The following CHST11 variants were observed in gnomAD, a reference collection of about 807,000 sequenced individuals.
The protein encoded by CHST11 is C4S-1.
In CHST11, 9 loss-of-function variants were observed where a neutral mutation model predicts 30.4. The ratio of observed to expected loss-of-function variants is 0.30; its 90% CI spans 0.18 to 0.52. The LOEUF is 0.52. Among genes scored for constraint, CHST11 ranks in the 20% least tolerant of loss-of-function variants. The pLI is 0.97. For synonymous variants in CHST11, 152 were observed against 187.8 expected, an observed-to-expected ratio of 0.81 and a Z score of 1.56; for missense variants, 348 against 460.6, an observed-to-expected ratio of 0.76 and a Z score of 2.24.
chr12:104,681,022 T>A (rs1382964705), intron 2 of CHST11, among the ~76,000 whole-genome samples: 1 of 152,228 alleles, frequency 6.6e-6, no homozygotes, highest in African/African-American at 2.4e-5. Flanking sequence ...GAGGATGAAT[T>A]GAGATAATAA....
At chr12:104,670,505 A>C (rs199672146) in intron 2 of CHST11, among the ~76,000 whole-genome samples, 5 of 147,902 alleles carry the variant, frequency 3.4e-5, no homozygotes, top group African/African-American at 1.0e-4. Context: ...ATACACACTC[A>C]CACAAACACA....
intron 2 of CHST11, among the ~76,000 whole-genome samples, chr12:104,626,166 T>C (rs1369618577): frequency 6.6e-6 from 1 of 152,242 alleles, no homozygotes; most frequent in Non-Finnish European, 1.5e-5. Flanking sequence ...GGGTTCCTTT[T>C]ACAATGTGAA....
chr12:104,726,618 C>G (rs1255680320), intron 2 of CHST11, among the ~76,000 whole-genome samples: 2 of 152,092 alleles, frequency 1.3e-5, no homozygotes, highest in African/African-American at 2.4e-5. Flanking sequence ...GCTCAACAAC[C>G]CTGCTTCAGG....
At chr12:104,541,502 G>A (rs542893463) in intron 1 of CHST11, among the ~76,000 whole-genome samples, 2 of 152,226 alleles carry the variant, frequency 1.3e-5, no homozygotes, top group Non-Finnish European at 2.9e-5. Context: ...CCTTGCCTGA[G>A]TATTTAGGAA....
chr12:104,758,039 G>A lies in CHST11; in HGVS notation c.*236G>A, dbSNP rs1012137322. ...TGAATACTGCAACACTGTCTCAAAG[G>A]TTTCTTGTGTTCTGGTGAATTCCAT... On this transcript the variant is annotated 3_prime_UTR_variant, in exon 3 of 3. Transcript: ENST00000303694. 2 of 439,222 alleles carry A rather than the reference G, an allele frequency of 4.6e-6. No individual in the cohort carries two copies. Among genetic ancestry groups the A allele is most frequent in the Non-Finnish European group, 8.0e-6 (2 of 248,472 alleles). 27.2% of individuals were successfully genotyped at this position (439,222 alleles called of 1,614,324 possible).
At chr12:104,563,676 A>G (rs2089953708) in intron 1 of CHST11, among the ~76,000 whole-genome samples, 1 of 152,130 alleles carries the variant, frequency 6.6e-6, no homozygotes, top group Admixed American at 6.5e-5. Context: ...AATTGGCAGG[A>G]AATAAACCCA....
intron 1 of CHST11, among the ~76,000 whole-genome samples, chr12:104,586,345 G>A (rs780983987): frequency 6.6e-6 from 1 of 152,216 alleles, no homozygotes; most frequent in Non-Finnish European, 1.5e-5. Flanking sequence ...TTGTGTGGCC[G>A]GGAGGGACTG....
intron 2 of CHST11, among the ~76,000 whole-genome samples, chr12:104,707,796 G>A (rs1455304672): frequency 1.3e-5 from 2 of 152,084 alleles, no homozygotes; most frequent in African/African-American, 4.8e-5. Flanking sequence ...CACTGACAAC[G>A]AGGACACATA....
intron 2 of CHST11, among the ~76,000 whole-genome samples, chr12:104,616,371 C>G (rs1369396763): frequency 2.0e-5 from 3 of 152,116 alleles, no homozygotes; most frequent in African/African-American, 7.2e-5. Flanking sequence ...TTTTCCTACT[C>G]AAAGACAGAT....
intron 1 of CHST11, among the ~76,000 whole-genome samples, chr12:104,490,804 A>C (rs2037737500): frequency 6.6e-6 from 1 of 152,214 alleles, no homozygotes; most frequent in African/African-American, 2.4e-5. Context: ...AGATCTAAAG[A>C]GACAATATTT....
In CHST11 at chr12:104,759,543, A is replaced by T. The variant is rs967464127; in HGVS notation, c.*1740A>T. ...TGCCGTATATAGTGAAGGGGTGAGGATATTCTAAACAAACAAAAATTGAAT... is the reference window on the plus strand; with the variant it reads ...TGCCGTATATAGTGAAGGGGTGAGGTTATTCTAAACAAACAAAAATTGAAT... On this transcript the variant is annotated 3_prime_UTR_variant, in exon 3 of 3. Coordinates refer to ENST00000303694, the MANE Select transcript of CHST11 (RefSeq NM_018413.6). The T allele has an allele frequency of 1.3e-5, 2 of 152,122 alleles. No individual in the cohort carries two copies. Among genetic ancestry groups the T allele is most frequent in the South Asian group, 2.1e-4 (1 of 4,830 alleles). The allele number at this position is 152,122 out of a possible 1,614,324, so 9.4% of individuals were successfully genotyped here. A position where few individuals can be genotyped will look rare whatever the true frequency, so the allele number is the denominator to read the frequency against.
At chr12:104,598,721 C>T (rs1038966546) in intron 1 of CHST11, among the ~76,000 whole-genome samples, 5 of 152,208 alleles carry the variant, frequency 3.3e-5, no homozygotes, top group African/African-American at 7.2e-5. Flanking sequence ...TTTATCTTTT[C>T]TTGACTCTCC....
At chr12:104,692,334 T>A (rs1008018676) in intron 2 of CHST11, among the ~76,000 whole-genome samples, 5 of 152,178 alleles carry the variant, frequency 3.3e-5, no homozygotes, top group Admixed American at 6.5e-5. Flanking sequence ...CCTACCACCT[T>A]CAAGACATTG....
At chr12:104,695,598 T>G (rs2039936984) in intron 2 of CHST11, among the ~76,000 whole-genome samples, 1 of 152,164 alleles carries the variant, frequency 6.6e-6, no homozygotes, top group South Asian at 2.1e-4. Flanking sequence ...TTCCAGACAT[T>G]TCTATCTTAC....
chr12:104,682,363 G>A (rs975695809), intron 2 of CHST11, among the ~76,000 whole-genome samples: 2 of 152,188 alleles, frequency 1.3e-5, no homozygotes, highest in African/African-American at 2.4e-5. Flanking sequence ...CTGGCCAACC[G>A]CCACAAACTG....
At chr12:104,586,505 C>T (rs533333531) in intron 1 of CHST11, among the ~76,000 whole-genome samples, 1 of 152,188 alleles carries the variant, frequency 6.6e-6, no homozygotes, top group Non-Finnish European at 1.5e-5. Context: ...GTTAATGCCC[C>T]GCCATGCTTG....
intron 2 of CHST11, among the ~76,000 whole-genome samples, chr12:104,751,588 A>C (rs1039217124): frequency 6.6e-6 from 1 of 152,202 alleles, no homozygotes; most frequent in African/African-American, 2.4e-5. Flanking sequence ...TGTCTTTGAG[A>C]TTCCTATCCA....
intron 1 of CHST11, among the ~76,000 whole-genome samples, chr12:104,555,539 A>T (rs2038447163): frequency 6.6e-6 from 1 of 152,166 alleles, no homozygotes; most frequent in Non-Finnish European, 1.5e-5. Context: ...TGTTCTGTGT[A>T]GGACTCAGAG....
At chr12:104,711,011 C>G (rs1455896592) in intron 2 of CHST11, among the ~76,000 whole-genome samples, 2 of 152,182 alleles carry the variant, frequency 1.3e-5, no homozygotes, top group Non-Finnish European at 2.9e-5. Context: ...GATCGAGCAT[C>G]TAGTATATTT....
Sources: allele counts gnomAD v4.1 joint callset (sites outside exome capture counted in the v4.1 genomes callset), GRCh38; gene constraint gnomAD v4.1.1; transcripts MANE v1.5; gene names NCBI Gene and HGNC (gene_info 2026-07-23, HGNC 2026-07-21).